TULP3: variants seen among roughly 807,000 people sequenced by gnomAD.
The protein encoded by TULP3 is TUB like protein 3, also known as tubby-related protein 3.
TULP3 carries 38 observed loss-of-function variants against 50.7 expected under a neutral mutation model. That is an observed-to-expected ratio of 0.75 (90% CI 0.58 to 0.98). TULP3 has a LOEUF of 0.98. TULP3 is among the 50% of genes least tolerant of loss of function. The pLI is 0.00. For synonymous variants in TULP3, 183 were observed against 196.6 expected (o/e 0.93, Z 0.58); for missense variants, 550 against 568.0 (o/e 0.97, Z 0.32).
Position 2,909,518 on chromosome 12 carries a change from T to C in TULP3, c.42-11T>C, listed in dbSNP as rs759508392. 1 of 1,575,426 alleles carries C rather than the reference T, an allele frequency of 6.3e-7. No individual in the cohort carries two copies. Among genetic ancestry groups the C allele is most frequent in the Admixed American group, 2.1e-5 (1 of 47,524 alleles). ...TTTATATACTTGCTTTATTTTTTTT[T>C]TTTTTAACAGTGTCTTCCATGAAGA... On this transcript the variant is annotated splice_polypyrimidine_tract_variant and intron_variant, in intron 1 of 10. Transcript: ENST00000448120.
At position 2,920,760 on chromosome 12, in the gene TULP3, C is replaced by T. The variant is rs2153949561; in HGVS notation, c.94-3C>T. Reference sequence around the variant, plus strand: ...GCTGGCTGTCATATCGCTTTTTTCCCAGAGGCTACTACTTGAGAAGAGGCA... The same window carrying T: ...GCTGGCTGTCATATCGCTTTTTTCCTAGAGGCTACTACTTGAGAAGAGGCA... On this transcript the variant is annotated splice_region_variant and splice_polypyrimidine_tract_variant and intron_variant, in intron 2 of 10. Transcript: ENST00000448120. The T allele has an allele frequency of 1.2e-6, 2 of 1,613,062 alleles. No homozygotes were observed. Among genetic ancestry groups the T allele is most frequent in the Middle Eastern group, 1.7e-4 (1 of 6,044 alleles).
intron 2 of TULP3, among the ~76,000 whole-genome samples, chr12:2,916,754 C>T (rs182272814): frequency 4.6e-5 from 7 of 152,332 alleles, no homozygotes; most frequent in South Asian, 2.1e-4. Flanking sequence ...AACTGCATGA[C>T]GGTTTTCACC....
At chr12:2,893,921 G>T (rs1268760584) in intron 1 of TULP3, among the ~76,000 whole-genome samples, 2 of 151,986 alleles carry the variant, frequency 1.3e-5, no homozygotes, top group Non-Finnish European at 2.9e-5. Flanking sequence ...TGGGATTACA[G>T]GTGTGAGCGA....
At chr12:2,934,329 A>G in intron 7 of TULP3, 118 bp from the exon 8 acceptor site, 1 of 593,302 alleles carries the variant, frequency 1.7e-6, no homozygotes, top group Admixed American at 3.1e-5. Flanking sequence ...AAAAGTGATG[A>G]TGAACATTGA....
At chr12:2,907,728 C>CT (rs59443657) in intron 1 of TULP3, among the ~76,000 whole-genome samples, 72,311 of 151,298 alleles carry the variant, frequency 0.48, 17,752 homozygotes, top group African/African-American at 0.6. Flanking sequence ...TTTGTTTTAT[C>CT]TTTTTTTGTC....
chr12:2,927,365 G>GTTTTTTTTTTT (rs1565505796), intron 4 of TULP3, among the ~76,000 whole-genome samples: 10 of 70,794 alleles, frequency 1.4e-4, no homozygotes, highest in Admixed American at 4.1e-4. Context: ...AGTTGAGACT[G>GTTTTTTTTTTT]ATTTTTTTTT....
Position 2,931,051 on chromosome 12 carries a change from C to T in TULP3, c.507C>T (p.Ser169=), listed in dbSNP as rs771351421. The T allele has an allele frequency of 2.5e-6, 4 of 1,613,930 alleles. No homozygotes were observed. Among genetic ancestry groups the T allele is most frequent in the South Asian group, 2.2e-5 (2 of 91,080 alleles). Residue 169 remains serine, a synonymous_variant, in exon 6 of 11, where the codon TCC becomes TCT. Transcript: ENST00000448120. ...TGTCCTTTCAGGATACAGGCACTTC[C>T]GGTTCTGCTACTGCCGCCCAACCAG... The part of the protein sequence containing the change: ...SSQNSTDTGT[S]GSATAAQPAD...
At chr12:2,927,561 G>A (rs1451093332) in intron 4 of TULP3, among the ~76,000 whole-genome samples, 1 of 151,748 alleles carries the variant, frequency 6.6e-6, no homozygotes, top group Non-Finnish European at 1.5e-5. Flanking sequence ...CACCTTATTG[G>A]CCAGGCTGAT....
At chr12:2,899,163 T>G (rs1168560722) in intron 1 of TULP3, among the ~76,000 whole-genome samples, 1 of 151,628 alleles carries the variant, frequency 6.6e-6, no homozygotes, top group African/African-American at 2.4e-5. Flanking sequence ...CTGACCAACA[T>G]GGAGAAACCA....
intron 3 of TULP3, 144 bp downstream of exon 3, chr12:2,921,066 G>A: frequency 4.2e-6 from 4 of 960,692 alleles, no homozygotes; most frequent in Non-Finnish European, 4.6e-6. Flanking sequence ...TCACATTTGG[G>A]GTCTTTGAGG....
At chr12:2,923,725 A>T (rs897347565) in intron 4 of TULP3, among the ~76,000 whole-genome samples, 2 of 151,368 alleles carry the variant, frequency 1.3e-5, no homozygotes, top group Non-Finnish European at 2.9e-5. Flanking sequence ...TAATCCTAAC[A>T]CTCTGGGAGG....
chr12:2,915,875 C>A (rs1176162578), intron 2 of TULP3, among the ~76,000 whole-genome samples: 1 of 151,642 alleles, frequency 6.6e-6, no homozygotes, highest in Non-Finnish European at 1.5e-5. Context: ...AGACTGCAGA[C>A]AACTAGCCTG....
chr12:2,933,355 A>G (rs1032605046), intron 6 of TULP3, 63 bp from the exon 7 acceptor site: 4 of 993,560 alleles, frequency 4.0e-6, no homozygotes, highest in Non-Finnish European at 6.4e-6. Context: ...TAGGACAACC[A>G]TGACCAGAGG....
chr12:2,890,985 A>G lies in TULP3; in HGVS notation c.38A>G (p.Asp13Gly). 6.3e-7 allele frequency: 1 copy of G among 1,590,304 alleles called. No individual in the cohort carries two copies. The highest frequency in any genetic ancestry group is 1.3e-5 in the African/African-American group (1 of 74,130). ...CGCTGCCGGCTCAGTCCCAGCGGCG[A>G]CAGGTCAGACAGGGCCGTGGCAGGT... The part of the protein sequence containing the change: ...ASRCRLSPSG[D>G]SVFHEEMMKM... Residue 13 changes from aspartate to glycine, a missense_variant, in exon 1 of 11, where the codon GAC becomes GGC. Physicochemically the swap from Asp to Gly is moderately conservative, Grantham distance 94. Coordinates refer to ENST00000448120, the MANE Select transcript of TULP3 (RefSeq NM_003324.5).
intron 2 of TULP3, among the ~76,000 whole-genome samples, chr12:2,910,368 T>G (rs1372376676): frequency 6.6e-6 from 1 of 152,234 alleles, no homozygotes; most frequent in African/African-American, 2.4e-5. Flanking sequence ...CACTAAGCTC[T>G]GTGAGAACAG....
intron 1 of TULP3, among the ~76,000 whole-genome samples, chr12:2,894,088 C>G (rs2098173931): frequency 6.6e-6 from 1 of 152,084 alleles, no homozygotes; most frequent in African/African-American, 2.4e-5. Flanking sequence ...TGAGCCCTAT[C>G]TGGCCTTTTG....
chr12:2,927,294 T>C (rs186084666), intron 4 of TULP3, among the ~76,000 whole-genome samples: 15 of 151,960 alleles, frequency 9.9e-5, no homozygotes, highest in Admixed American at 9.8e-4. Flanking sequence ...GTTCCCACTT[T>C]CCCTGTTAGG....
At chr12:2,916,926 T>C (rs919027852) in intron 2 of TULP3, among the ~76,000 whole-genome samples, 10 of 152,136 alleles carry the variant, frequency 6.6e-5, no homozygotes, top group Admixed American at 1.3e-4. Context: ...ATGAGTTTGA[T>C]TTGTCTGTAA....
In TULP3 at chr12:2,933,376, T is replaced by G. The variant is rs535919499; in HGVS notation, c.697-42T>G. ...AACCATGACCAGAGGTGGGGCAGGTTCTCTGGACTTCATTTTTGACTGACA... is the reference window on the plus strand; with the variant it reads ...AACCATGACCAGAGGTGGGGCAGGTGCTCTGGACTTCATTTTTGACTGACA... On this transcript the variant is annotated intron_variant, in intron 6 of 10. Coordinates refer to ENST00000448120, the MANE Select transcript of TULP3 (RefSeq NM_003324.5). 499 of 1,318,950 alleles carry G rather than the reference T, an allele frequency of 3.8e-4. 7 individuals carry two copies. The South Asian group carries it at 5.6e-3, about 15-fold the overall frequency. 81.7% of individuals were successfully genotyped at this position (1,318,950 alleles called of 1,614,324 possible).
Sources: allele counts gnomAD v4.1 joint callset (sites outside exome capture counted in the v4.1 genomes callset), GRCh38; gene constraint gnomAD v4.1.1; transcripts MANE v1.5; gene names NCBI Gene and HGNC (gene_info 2026-07-23, HGNC 2026-07-21).